Variants in TENM3 observed in about 807,000 individuals in gnomAD.
TENM3 encodes teneurin transmembrane protein 3, also known as teneurin-3.
In TENM3, 63 loss-of-function variants were observed where a neutral mutation model predicts 255.1. The ratio of observed to expected loss-of-function variants is 0.25; its 90% CI spans 0.20 to 0.30. The LOEUF (loss-of-function observed/expected upper bound fraction) is 0.30, where lower values mean the gene tolerates loss of function less well. TENM3 is among the 10% of genes least tolerant of loss of function. The pLI is 1.00. For missense variants in TENM3, 2,929 were observed against 3,461.1 expected (o/e 0.85, Z 3.86); for synonymous variants, 1,306 against 1,322.3 (o/e 0.99, Z 0.27).
intron 1 of TENM3, among the ~76,000 whole-genome samples, chr4:182,207,007 G>C (rs575852908): frequency 1.9e-4 from 29 of 152,282 alleles, no homozygotes; most frequent in African/African-American, 7.0e-4. Context: ...AAATCATCTG[G>C]CAAATGGTCT....
intron 3 of TENM3, among the ~76,000 whole-genome samples, chr4:182,424,836 G>C (rs12645071): frequency 0.66 from 100,060 of 151,934 alleles, 33,406 homozygotes; most frequent in East Asian, 0.92. Context: ...AGAGAAAAAT[G>C]CTGTTTTTTT....
intron 3 of TENM3, among the ~76,000 whole-genome samples, chr4:182,587,097 A>T (rs1470447294): frequency 2.0e-5 from 3 of 151,504 alleles, no homozygotes; most frequent in Non-Finnish European, 2.9e-5. Flanking sequence ...TTCTTTTAAA[A>T]TTTTTTTTTA....
At chr4:182,599,336 C>T (rs1204521767) in intron 3 of TENM3, among the ~76,000 whole-genome samples, 1 of 152,076 alleles carries the variant, frequency 6.6e-6, no homozygotes, top group Non-Finnish European at 1.5e-5. Context: ...TTCATGAACA[C>T]CAAAGCAATA....
At chr4:182,124,134 C>T in the TENM3 span, among the ~76,000 whole-genome samples, 1 of 152,294 alleles carries the variant, frequency 6.6e-6, no homozygotes, top group Non-Finnish European at 1.5e-5. Context: ...GCACTGCAAC[C>T]TCTGCCTCCT....
At chr4:182,174,728 C>T (rs1752344950) in intron 1 of TENM3, among the ~76,000 whole-genome samples, 2 of 152,076 alleles carry the variant, frequency 1.3e-5, no homozygotes, top group Admixed American at 6.6e-5. Context: ...CTTGTATAAC[C>T]AATGAGCTTT....
At chr4:182,389,614 A>T (rs1335201465) in intron 3 of TENM3, among the ~76,000 whole-genome samples, 1 of 152,142 alleles carries the variant, frequency 6.6e-6, no homozygotes, top group Non-Finnish European at 1.5e-5. Context: ...TATCGTAGAG[A>T]AGGCACCAAT....
At chr4:182,335,066 C>A (rs1164070003) in intron 2 of TENM3, among the ~76,000 whole-genome samples, 1 of 151,984 alleles carries the variant, frequency 6.6e-6, no homozygotes, top group African/African-American at 2.4e-5. Flanking sequence ...GCTGTGCTTT[C>A]ATATTCCTGT....
the TENM3 span, among the ~76,000 whole-genome samples, chr4:181,947,152 A>G: frequency 6.6e-6 from 1 of 152,222 alleles, no homozygotes; most frequent in African/African-American, 2.4e-5. Context: ...CACAGAAGCT[A>G]TAAACATGAG....
chr4:182,064,068 T>C, the TENM3 span, among the ~76,000 whole-genome samples: 3 of 151,984 alleles, frequency 2.0e-5, no homozygotes, highest in African/African-American at 7.2e-5. Flanking sequence ...CGTTTGCCAG[T>C]TATATGTTTT....
At chr4:181,449,822 A>T in the TENM3 span, among the ~76,000 whole-genome samples, 1 of 152,158 alleles carries the variant, frequency 6.6e-6, no homozygotes, top group Non-Finnish European at 1.5e-5. Flanking sequence ...AAATAACAAC[A>T]TATGATTAAG....
At chr4:181,458,638 T>C in the TENM3 span, among the ~76,000 whole-genome samples, 6 of 151,930 alleles carry the variant, frequency 3.9e-5, no homozygotes. Flanking sequence ...TCCCCACTCG[T>C]TCCTTGAAAC....
chr4:181,469,577 C>CCATA, the TENM3 span, among the ~76,000 whole-genome samples: 1 of 152,056 alleles, frequency 6.6e-6, no homozygotes, highest in East Asian at 1.9e-4. Flanking sequence ...GGGTAGTAAG[C>CCATA]CATAGTTCAT....
the TENM3 span, among the ~76,000 whole-genome samples, chr4:181,856,244 G>A: frequency 6.6e-6 from 1 of 151,962 alleles, no homozygotes; most frequent in Non-Finnish European, 1.5e-5. Context: ...CTACCTCAAT[G>A]TTCTCCTTCC....
intron 22 of TENM3, among the ~76,000 whole-genome samples, chr4:182,765,190 A>C (rs1763593770): frequency 6.6e-6 from 1 of 152,132 alleles, no homozygotes; most frequent in African/African-American, 2.4e-5. Flanking sequence ...TGGACACGAG[A>C]GCTATTGAGA....
At chr4:182,137,339 C>G in the TENM3 span, among the ~76,000 whole-genome samples, 10 of 110,958 alleles carry the variant, frequency 9.0e-5, no homozygotes, top group Non-Finnish European at 1.4e-4. Flanking sequence ...CACCTCCCCC[C>G]CCCCAAAAAG....
At chr4:181,612,982 T>A in the TENM3 span, among the ~76,000 whole-genome samples, 1 of 152,194 alleles carries the variant, frequency 6.6e-6, no homozygotes, top group African/African-American at 2.4e-5. Flanking sequence ...TTTTAATAGG[T>A]CTTAAGTTTC....
chr4:181,595,235 A>G, the TENM3 span, among the ~76,000 whole-genome samples: 6 of 152,042 alleles, frequency 3.9e-5, no homozygotes, highest in Non-Finnish European at 8.8e-5. Flanking sequence ...GTTCGAGATC[A>G]GCCTGGCCAA....
At chr4:181,657,881 G>C in the TENM3 span, among the ~76,000 whole-genome samples, 1 of 152,132 alleles carries the variant, frequency 6.6e-6, no homozygotes, top group African/African-American at 2.4e-5. Context: ...AATTAATGCA[G>C]AAACAGGAAA....
At chr4:181,567,825 G>A in the TENM3 span, among the ~76,000 whole-genome samples, 13 of 152,152 alleles carry the variant, frequency 8.5e-5, no homozygotes, top group East Asian at 2.1e-3. Context: ...ACTGCTTACC[G>A]TACAGTTAAG....
Sources: allele counts gnomAD v4.1 joint callset (sites outside exome capture counted in the v4.1 genomes callset), GRCh38; gene constraint gnomAD v4.1.1; transcripts MANE v1.5; gene names NCBI Gene and HGNC (gene_info 2026-07-23, HGNC 2026-07-21).